MYO1A: variants seen among roughly 807,000 people sequenced by gnomAD.
The protein encoded by MYO1A is myosin IA.
In MYO1A, 127 loss-of-function variants were observed where a neutral mutation model predicts 138.5. The observed-to-expected ratio is 0.92, with a 90% CI of 0.79 to 1.06. The LOEUF (loss-of-function observed/expected upper bound fraction) is 1.06. Among genes scored for constraint, MYO1A ranks in the 50% least tolerant of loss-of-function variants. MYO1A has a pLI of 0.00. For missense variants in MYO1A, 1,211 were observed against 1,288.8 expected (o/e 0.94, Z 0.92); for synonymous variants, 477 against 497.5 (o/e 0.96, Z 0.55).
chr12:57,041,028 G>C (rs145797449), intron 14 of MYO1A, among the ~76,000 whole-genome samples, 156 bp downstream of exon 14: 1 of 152,348 alleles, frequency 6.6e-6, no homozygotes, highest in African/African-American at 2.4e-5. Context: ...GGGCTACTTG[G>C]TAATGCTGGA....
rs564703126 is a variant in MYO1A at position 57,038,700 on chromosome 12, C to A, written c.1534-62G>T. On this transcript the variant is annotated intron_variant, in intron 16 of 27. Transcript: ENST00000300119. ...ACCTTGTCCCAGCACTTGGCCCTCC[C>A]AGTCTCATTGTGAAGTATTCCAGAC... 8.7e-5 allele frequency: 140 copies of A among 1,608,542 alleles called. No individual in the cohort carries two copies. The African/African-American group carries it at 1.4e-3, about 16-fold the overall frequency.
intron 18 of MYO1A, 97 bp downstream of exon 18, chr12:57,037,772 G>C (rs1373274505): frequency 9.3e-6 from 14 of 1,501,686 alleles, no homozygotes; most frequent in African/African-American, 2.8e-5. Flanking sequence ...CATTCACCCA[G>C]CTTCAGCAGA....
At chr12:57,043,479 A>C in intron 10 of MYO1A, 121 bp from the exon 11 acceptor site, 1 of 950,898 alleles carries the variant, frequency 1.1e-6, no homozygotes, top group Non-Finnish European at 1.7e-6. Context: ...TGGAGAAGTC[A>C]TTGCAGCCAA....
rs727505302 is a variant in MYO1A at position 57,039,017 on chromosome 12, G to A, written c.1333-8C>T. The A allele has an allele frequency of 6.8e-5, 109 of 1,611,326 alleles. No individual in the cohort carries two copies. The highest frequency in any genetic ancestry group is 1.6e-4 in the Middle Eastern group (1 of 6,080). On this transcript the variant is annotated splice_region_variant and splice_polypyrimidine_tract_variant and intron_variant, in intron 15 of 27. Coordinates refer to ENST00000300119, the MANE Select transcript of MYO1A (RefSeq NM_005379.4). ...CAGGATACCTCGCTGATTCTGGGCC[G>A]GGGGAACAAAAGAAGCCCAACCTAA...
chr12:57,036,662 C>CA (rs1279873471), intron 21 of MYO1A, 110 bp downstream of exon 21: 1 of 1,332,538 alleles, frequency 7.5e-7, no homozygotes, highest in African/African-American at 1.4e-5. Context: ...GGCTGATACA[C>CA]AGAGGTGCGG....
intron 18 of MYO1A, 89 bp downstream of exon 18, chr12:57,037,780 A>G (rs2030633303): frequency 6.6e-7 from 1 of 1,506,362 alleles, no homozygotes. Flanking sequence ...CAGCTTCAGC[A>G]GATGTGCACT....
In MYO1A at chr12:57,043,373, A is replaced by C. The variant is rs551400484; in HGVS notation, c.893-15T>G. 205 of 1,610,568 alleles carry C rather than the reference A, an allele frequency of 1.3e-4. No individual in the cohort carries two copies. Among genetic ancestry groups the C allele is most frequent in the Admixed American group, 2.2e-4 (13 of 60,002 alleles). On this transcript the variant is annotated splice_polypyrimidine_tract_variant and intron_variant, in intron 10 of 27. Coordinates refer to ENST00000300119, the MANE Select transcript of MYO1A (RefSeq NM_005379.4). The stretch of plus-strand genomic sequence containing the variant: ...CTCCCGAACACCTGGGATAATGAGA[A>C]AGTACAGCATGTCCTTAGAGGCAGC...
In MYO1A at chr12:57,030,211, T is replaced by C. The variant is rs746120854; in HGVS notation, c.2590A>G (p.Ser864Gly). 1.2e-6 allele frequency: 2 copies of C among 1,613,648 alleles called. No individual in the cohort carries two copies. Among genetic ancestry groups the C allele is most frequent in the Non-Finnish European group, 8.5e-7 (1 of 1,179,572 alleles). The change falls in exon 24 of 28, where the codon AGT becomes GGT. Residue 864 changes from serine to glycine, a missense_variant and splice_region_variant. By Grantham distance (56) the Ser-to-Gly change is moderately conservative. Transcript: ENST00000300119. ...FKGKKASYPQ[S>G]VPIPFCGDYI... is the part of the protein sequence containing the mutation. ...GTGCAGGGTCTGGGAGGCCCTCACC[T>C]CTGGGGATATGAAGCCTTCTTGCCC...
chr12:57,038,864 T>C lies in MYO1A; in HGVS notation c.1478A>G (p.Gln493Arg). Residue 493 changes from glutamine to arginine, a missense_variant, in exon 16 of 28, where the codon CAG becomes CGG. By Grantham distance (43) the Gln-to-Arg change is conservative. Coordinates refer to ENST00000300119, the MANE Select transcript of MYO1A (RefSeq NM_005379.4). ...ESKVTQNAQR[Q>R]YDHTMGLSCF... ...GCTGAGGCCCATGGTGTGGTCATACTGACGCTGGGCATTCTGGGTGACTTT... is the reference window on the plus strand; with the variant it reads ...GCTGAGGCCCATGGTGTGGTCATACCGACGCTGGGCATTCTGGGTGACTTT... 1 of 1,614,194 alleles carries C rather than the reference T, an allele frequency of 6.2e-7. No individual in the cohort carries two copies. The highest frequency in any genetic ancestry group is 1.1e-5 in the South Asian group (1 of 91,080).
At chr12:57,029,958 C>T (rs2030193798) in intron 24 of MYO1A, 86 bp from the exon 25 acceptor site, 2 of 1,598,878 alleles carry the variant, frequency 1.3e-6, no homozygotes, top group Non-Finnish European at 1.7e-6. Context: ...TCCTCCCGGG[C>T]CCTTCCCCCA....
In MYO1A at chr12:57,028,679, C is replaced by G. The variant is rs984132365; in HGVS notation, c.*76G>C. On this transcript the variant is annotated 3_prime_UTR_variant, in exon 28 of 28. Coordinates refer to ENST00000300119, the MANE Select transcript of MYO1A (RefSeq NM_005379.4). ...CACGATCAGAGGGGTTAGAGATCCTCCCACACAGGAGGGCAGAGGGGGATT... is the reference window on the plus strand; with the variant it reads ...CACGATCAGAGGGGTTAGAGATCCTGCCACACAGGAGGGCAGAGGGGGATT... The G allele has an allele frequency of 2.1e-5, 33 of 1,589,634 alleles. No homozygotes were observed. In the Admixed American group the frequency reaches 5.6e-4, roughly 27 times the overall value.
intron 23 of MYO1A, 135 bp from the exon 24 acceptor site, chr12:57,030,451 A>G: frequency 8.4e-6 from 6 of 715,808 alleles, no homozygotes; most frequent in Non-Finnish European, 1.4e-5. Context: ...TAGACACCTC[A>G]GGGAGAGGCC....
intron 1 of MYO1A, among the ~76,000 whole-genome samples, chr12:57,049,093 C>T (rs957404032): frequency 7.2e-5 from 11 of 152,204 alleles, no homozygotes; most frequent in African/African-American, 2.7e-4. Context: ...GCTTTTACAC[C>T]CACTCCTGTA....
intron 16 of MYO1A, 44 bp downstream of exon 16, chr12:57,038,765 T>C (rs1360553237): frequency 6.2e-7 from 1 of 1,612,928 alleles, no homozygotes; most frequent in East Asian, 2.2e-5. Flanking sequence ...GACTTCAGTC[T>C]GGGCCTGAGC....
intron 22 of MYO1A, among the ~76,000 whole-genome samples, chr12:57,032,259 G>A (rs1423391926): frequency 6.6e-6 from 1 of 152,138 alleles, no homozygotes; most frequent in Non-Finnish European, 1.5e-5. Flanking sequence ...AGGATCCCAG[G>A]TCTCACATTT....
Position 57,044,195 on chromosome 12 carries a change from C to T in MYO1A, c.655G>A (p.Glu219Lys), listed in dbSNP as rs772351134. The T allele has an allele frequency of 1.2e-6, 2 of 1,613,994 alleles. No homozygotes were observed. Among genetic ancestry groups the T allele is most frequent in the South Asian group, 1.1e-5 (1 of 90,960 alleles). Reference sequence around the variant, plus strand: ...TAGGCATAGCCAGTTGTATCCCGCTCAAGCTTCAGGGCCTCTGGGAGGGCC... The same window carrying T: ...TAGGCATAGCCAGTTGTATCCCGCTTAAGCTTCAGGGCCTCTGGGAGGGCC... ...DEQLLKALKL[E>K]RDTTGYAYLN... The change falls in exon 9 of 28, where the codon GAG becomes AAG. Residue 219 changes from glutamate to lysine, a missense_variant. By Grantham distance (56) the Glu-to-Lys change is moderately conservative (BLOSUM62 1). Coordinates refer to ENST00000300119, the MANE Select transcript of MYO1A (RefSeq NM_005379.4).
At chr12:57,046,771 C>CT in intron 7 of MYO1A, 92 bp downstream of exon 7, 1 of 1,536,350 alleles carries the variant, frequency 6.5e-7, no homozygotes. Flanking sequence ...TCCTTGACGT[C>CT]TAACATTCTG....
chr12:57,033,402 G>A (rs2030377904), intron 22 of MYO1A, among the ~76,000 whole-genome samples: 1 of 152,146 alleles, frequency 6.6e-6, no homozygotes. Context: ...CGCCCAGGCT[G>A]GAGTGCAGTG....
At chr12:57,035,405 C>T (rs2030489282) in intron 22 of MYO1A, among the ~76,000 whole-genome samples, 1 of 152,172 alleles carries the variant, frequency 6.6e-6, no homozygotes, top group South Asian at 2.1e-4. Context: ...AGGTCCAGAG[C>T]TTCAGAGCCC....
Sources: allele counts gnomAD v4.1 joint callset (sites outside exome capture counted in the v4.1 genomes callset), GRCh38; gene constraint gnomAD v4.1.1; transcripts MANE v1.5; gene names NCBI Gene and HGNC (gene_info 2026-07-23, HGNC 2026-07-21).